Variants in RAB37 observed in about 807,000 individuals in gnomAD.
RAB37 encodes ras-related protein Rab-37.
In RAB37, 29 loss-of-function variants were observed where a neutral mutation model predicts 33.1. The ratio of observed to expected loss-of-function variants is 0.88; its 90% CI spans 0.65 to 1.20. The LOEUF (loss-of-function observed/expected upper bound fraction) is 1.20, where lower values mean the gene tolerates loss of function less well. Among genes scored for constraint, RAB37 ranks in the 50% most tolerant of loss-of-function variants. The probability of loss-of-function intolerance (pLI) is 0.00; values close to 1 mark genes in which losing one functional copy is unlikely to be tolerated. For synonymous variants in RAB37, 128 were observed against 119.5 expected (o/e 1.07, Z -0.47); for missense variants, 299 against 301.1 (o/e 0.99, Z 0.05).
At chr17:74,705,964 GC>G (rs2033471647) in intron 1 of RAB37, among the ~76,000 whole-genome samples, 1 of 152,136 alleles carries the variant, frequency 6.6e-6, no homozygotes, top group Admixed American at 6.5e-5. Context: ...GTGGCTGGAG[GC>G]CATTATCCTA....
Position 74,742,138 on chromosome 17 carries a change from G to A in RAB37, c.205-116G>A. On this transcript the variant is annotated intron_variant, in intron 2 of 8. Coordinates refer to ENST00000392613, the MANE Select transcript of RAB37 (RefSeq NM_001006638.3). This position sits in a 1 kb window ranked among gnomAD's most constrained non-coding sequence, Gnocchi z 4.0. The stretch of plus-strand genomic sequence containing the variant: ...TGATGGTATGATCTGGCTGGAGACG[G>A]TTCTGGGGCTCACTGCACCCACTCT... The A allele has an allele frequency of 1.5e-6, 2 of 1,294,836 alleles. No homozygotes were observed. The highest frequency in any genetic ancestry group is 1.1e-6 in the Non-Finnish European group (1 of 925,570). 80.2% of individuals were successfully genotyped at this position (1,294,836 alleles called of 1,614,324 possible).
At chr17:74,735,342 C>T (rs2034460240), upstream of RAB37, among the ~76,000 whole-genome samples, 1 of 152,192 alleles carries the variant, frequency 6.6e-6, no homozygotes, top group Non-Finnish European at 1.5e-5. Flanking sequence ...CAGTTCCAAA[C>T]CAGCCTGTCC....
intron 1 of RAB37, among the ~76,000 whole-genome samples, chr17:74,706,303 C>T (rs2033507419): frequency 6.8e-6 from 1 of 147,308 alleles, no homozygotes; most frequent in Non-Finnish European, 1.5e-5. Context: ...ATATATATCC[C>T]AAAGTGCTGC....
At position 74,744,796 on chromosome 17, in the gene RAB37, G is replaced by A. The variant is rs1465494702; in HGVS notation, c.433-77G>A. 9.4e-5 allele frequency: 147 copies of A among 1,570,254 alleles called. 1 individual carries two copies. The Admixed American group carries it at 2.1e-3, about 22-fold the overall frequency. ...GGGCCACCAGCAGAGGGCAGGCAAC[G>A]CCTGCTTCTGGGGCAAAATATGGGC... On this transcript the variant is annotated intron_variant, in intron 6 of 8. Transcript: ENST00000392613. The surrounding 1 kb of genome is among the most constrained non-coding windows in gnomAD (Gnocchi z 4.2).
At position 74,747,280 on chromosome 17, in the gene RAB37, TC is replaced by T. The variant is rs2034783258; in HGVS notation, c.*1870del. ...CAGGAGATCCAATCCCATAGACAGC[TC>T]TGGGCCTCTTGCATTTGAGTTTTTC... On this transcript the variant is annotated 3_prime_UTR_variant, in exon 9 of 9. Coordinates refer to ENST00000392613, the MANE Select transcript of RAB37 (RefSeq NM_001006638.3). 6.6e-6 allele frequency: 1 copy of T among 150,476 alleles called. No individual in the cohort carries two copies. Among genetic ancestry groups the T allele is most frequent in the Non-Finnish European group, 1.5e-5 (1 of 67,594 alleles). The allele number at this position is 150,476 out of a possible 1,614,324, so 9.3% of individuals were successfully genotyped here.
Position 74,730,443 on chromosome 17 carries a change from G to T in RAB37, c.183+1077G>T, listed in dbSNP as rs2034370422. ...AACATGGCTTCTGCATGACCTTCCA[G>T]GAGGCAAAGCGGAAGTGAGTGCCTG... On this transcript the variant is annotated intron_variant, in intron 2 of 7. Coordinates refer to the RAB37 transcript ENST00000340415. This position sits in a 1 kb window ranked among gnomAD's most constrained non-coding sequence, Gnocchi z 4.4. 6.6e-6 allele frequency among the ~76,000 whole-genome samples: 1 copy of T among 152,174 alleles called. No individual in the cohort carries two copies.
At chr17:74,685,231 C>A (rs1481866923) in intron 1 of RAB37, among the ~76,000 whole-genome samples, 1 of 152,104 alleles carries the variant, frequency 6.6e-6, no homozygotes, top group African/African-American at 2.4e-5. Flanking sequence ...GTCACCCAGG[C>A]TAGAGTGCAG....
upstream of RAB37, among the ~76,000 whole-genome samples, chr17:74,735,888 C>G (rs1340388527): frequency 1.3e-5 from 2 of 152,200 alleles, no homozygotes; most frequent in African/African-American, 4.8e-5. Context: ...ACGTCTACCC[C>G]TGCTCCTCAC....
intron 1 of RAB37, among the ~76,000 whole-genome samples, chr17:74,718,897 A>C (rs1289143848): frequency 6.6e-6 from 1 of 152,206 alleles, no homozygotes; most frequent in Non-Finnish European, 1.5e-5. Flanking sequence ...AGTTTGCTTT[A>C]CCAACTGGAC....
At chr17:74,695,712 A>G (rs2066447936) in intron 1 of RAB37, 3 of 1,613,928 alleles carry the variant, frequency 1.9e-6, no homozygotes, top group South Asian at 1.1e-5. Flanking sequence ...AGCAGCCCCC[A>G]TGGAGGACGC....
chr17:74,697,963 T>C (rs944166955), intron 1 of RAB37, among the ~76,000 whole-genome samples: 1 of 152,144 alleles, frequency 6.6e-6, no homozygotes, highest in African/African-American at 2.4e-5. Flanking sequence ...TGTGTTTGTG[T>C]CTGTTTCTCC....
chr17:74,671,708 C>T lies in RAB37; in HGVS notation c.72+50C>T, dbSNP rs1257096041. 2.6e-6 allele frequency: 4 copies of T among 1,557,776 alleles called. No homozygotes were observed. The highest frequency in any genetic ancestry group is 3.5e-6 in the Non-Finnish European group (4 of 1,129,624). ...CCTAACGTTGGAAGAGGCGCCAGCACCAGGAGTTTTCTCCACTCCCCTGAC... is the reference window on the plus strand; with the variant it reads ...CCTAACGTTGGAAGAGGCGCCAGCATCAGGAGTTTTCTCCACTCCCCTGAC... On this transcript the variant is annotated intron_variant, in intron 1 of 7. Transcript: ENST00000340415. The surrounding 1 kb of genome is among the most constrained non-coding windows in gnomAD (Gnocchi z 5.0).
chr17:74,695,298 C>T (rs772801020), intron 1 of RAB37: 29 of 1,606,880 alleles, frequency 1.8e-5, no homozygotes, highest in South Asian at 5.5e-5. Flanking sequence ...CAGGAAGTGA[C>T]GGTCACGGGG....
intron 1 of RAB37, among the ~76,000 whole-genome samples, chr17:74,711,546 C>A (rs145761006): frequency 6.6e-6 from 1 of 152,362 alleles, no homozygotes; most frequent in Non-Finnish European, 1.5e-5. Flanking sequence ...AAGACCTTTT[C>A]TCCAATCTGT....
rs772385837 is a variant in RAB37 at position 74,740,847 on chromosome 17, C to G, written c.173C>G (p.Thr58Ser). The part of the protein sequence containing the change: ...QFKDGAFLSG[T>S]FIATVGIDFR... ...AAAGACGGGGCCTTCCTGTCCGGAACCTTCATAGCCACCGTCGGCATAGAC... is the reference window on the plus strand; with the variant it reads ...AAAGACGGGGCCTTCCTGTCCGGAAGCTTCATAGCCACCGTCGGCATAGAC... Residue 58 changes from threonine (T) to serine (S), a missense_variant, in exon 2 of 9, where the codon ACC (threonine) becomes AGC (serine). Coordinates refer to ENST00000392613, the MANE Select transcript of RAB37 (RefSeq NM_001006638.3). The G allele has an allele frequency of 1.2e-5, 19 of 1,613,854 alleles. No individual in the cohort carries two copies. Among genetic ancestry groups the G allele is most frequent in the African/African-American group, 4.0e-5 (3 of 74,920 alleles).
intron 1 of RAB37, among the ~76,000 whole-genome samples, chr17:74,681,621 C>T (rs535682050): frequency 7.2e-5 from 11 of 152,300 alleles, no homozygotes; most frequent in Non-Finnish European, 1.3e-4. Context: ...CAGAGGGGCA[C>T]GCCACGTGAG....
chr17:74,724,897 T>C (rs2034287197), intron 1 of RAB37, among the ~76,000 whole-genome samples: 1 of 152,136 alleles, frequency 6.6e-6, no homozygotes, highest in Non-Finnish European at 1.5e-5. Context: ...TCACAGGGGA[T>C]ATGATGGCTT....
chr17:74,694,010 C>A (rs924113751), intron 1 of RAB37, among the ~76,000 whole-genome samples: 1 of 152,090 alleles, frequency 6.6e-6, no homozygotes, highest in Non-Finnish European at 1.5e-5. Flanking sequence ...CACACACACA[C>A]ACATGCAGAC....
At chr17:74,736,943 C>T (rs117125167), upstream of RAB37, 14,957 of 1,516,556 alleles carry the variant, frequency 9.9e-3, 600 homozygotes, top group East Asian at 0.15. Flanking sequence ...CCGCAGCAGA[C>T]GGGGTCCCCG....
Sources: allele counts gnomAD v4.1 joint callset (sites outside exome capture counted in the v4.1 genomes callset), GRCh38; gene constraint gnomAD v4.1.1; non-coding constraint Gnocchi (gnomAD v3.1); transcripts MANE v1.5; gene names NCBI Gene and HGNC (gene_info 2026-07-23, HGNC 2026-07-21).